Variants in CACNG2 observed in about 807,000 individuals in gnomAD.
The protein encoded by CACNG2 is calcium voltage-gated channel auxiliary subunit gamma 2, also known as voltage-dependent calcium channel gamma-2 subunit.
Under a neutral mutation model 25.9 loss-of-function variants are expected in CACNG2, and 3 were observed. The observed-to-expected ratio is 0.12, with a 90% CI of 0.05 to 0.30. CACNG2 has a LOEUF of 0.30. Ranked by LOEUF, CACNG2 falls within the 10% of genes least tolerant of loss-of-function variation. The pLI is 1.00. For synonymous variants in CACNG2, 167 were observed against 173.3 expected, an observed-to-expected ratio of 0.96 and a Z score of 0.29; for missense variants, 341 against 432.5, an observed-to-expected ratio of 0.79 and a Z score of 1.88.
At chr22:36,691,807 G>A (rs188342161) in intron 1 of CACNG2, among the ~76,000 whole-genome samples, 1 of 152,240 alleles carries the variant, frequency 6.6e-6, no homozygotes, top group Non-Finnish European at 1.5e-5. Flanking sequence ...AACACTCAAC[G>A]AATGACTACC....
chr22:36,687,852 A>G (rs1459400262), intron 1 of CACNG2, among the ~76,000 whole-genome samples: 1 of 152,196 alleles, frequency 6.6e-6, no homozygotes, highest in Non-Finnish European at 1.5e-5. Flanking sequence ...GGAAGGAGGC[A>G]GCCTGTAGGA....
At chr22:36,620,082 G>A (rs1030177788) in intron 1 of CACNG2, among the ~76,000 whole-genome samples, 1 of 152,214 alleles carries the variant, frequency 6.6e-6, no homozygotes, top group African/African-American at 2.4e-5. Flanking sequence ...ACACGTTCAA[G>A]CATGTGCATA....
intron 1 of CACNG2, among the ~76,000 whole-genome samples, chr22:36,610,630 C>A (rs1412687080): frequency 6.6e-6 from 1 of 152,174 alleles, no homozygotes; most frequent in Non-Finnish European, 1.5e-5. Context: ...AGGAGTGACC[C>A]CCAAAGCCAG....
chr22:36,623,925 C>A lies in CACNG2; in HGVS notation c.212-36377G>T, dbSNP rs149669308. On this transcript the variant is annotated intron_variant, in intron 1 of 3. Coordinates refer to ENST00000300105, the MANE Select transcript of CACNG2 (RefSeq NM_006078.5). ...CAATAATGCTCTGTGTGACCTTGGGCAAGTTGCTTGACTTCTCTGGGCCTC... is the reference window on the plus strand; with the variant it reads ...CAATAATGCTCTGTGTGACCTTGGGAAAGTTGCTTGACTTCTCTGGGCCTC... 5.2e-3 allele frequency among the ~76,000 whole-genome samples: 793 copies of A among 152,280 alleles called. 9 individuals carry two copies. The highest frequency in any genetic ancestry group is 0.018 in the African/African-American group (759 of 41,544).
Position 36,664,051 on chromosome 22 carries a change from T to A in CACNG2, c.211+38315A>T, listed in dbSNP as rs370330081. The stretch of plus-strand genomic sequence containing the variant: ...CCTCTGGACCACATGGCTAAATGCA[T>A]CTTCCCACCCTTCCTCCCCTATGGC... On this transcript the variant is annotated intron_variant, in intron 1 of 3. Coordinates refer to ENST00000300105, the MANE Select transcript of CACNG2 (RefSeq NM_006078.5). Among the ~76,000 whole-genome samples, 10 of 152,224 alleles carry A rather than the reference T, an allele frequency of 6.6e-5. 1 individual carries two copies. Among genetic ancestry groups the A allele is most frequent in the South Asian group, 6.2e-4 (3 of 4,828 alleles).
intron 1 of CACNG2, among the ~76,000 whole-genome samples, chr22:36,618,340 G>C (rs1328225778): frequency 6.6e-6 from 1 of 152,226 alleles, no homozygotes; most frequent in Non-Finnish European, 1.5e-5. Context: ...GGCTGCAGAG[G>C]CTGCCCCAGT....
chr22:36,673,172 G>A (rs9754406), intron 1 of CACNG2, among the ~76,000 whole-genome samples: 3,739 of 152,298 alleles, frequency 0.025, 166 homozygotes, highest in African/African-American at 0.085. Flanking sequence ...GCTGCAGTGA[G>A]CCAGGATTGT....
intron 1 of CACNG2, among the ~76,000 whole-genome samples, chr22:36,643,175 TTC>T (rs1287284069): frequency 6.6e-6 from 1 of 150,434 alleles, no homozygotes; most frequent in Admixed American, 6.6e-5. Flanking sequence ...CCTTCTTTCC[TTC>T]TTTCCTTCCC....
chr22:36,690,437 A>G (rs1482717349), intron 1 of CACNG2, among the ~76,000 whole-genome samples: 2 of 152,202 alleles, frequency 1.3e-5, no homozygotes, highest in African/African-American at 4.8e-5. Context: ...GGCCAAGCAC[A>G]ACTCGCTTGC....
chr22:36,679,189 C>CTTTCTTTCTTTCTTTCTTTCTTT (rs1937058688), intron 1 of CACNG2, among the ~76,000 whole-genome samples: 1 of 69,330 alleles, frequency 1.4e-5, no homozygotes, highest in Admixed American at 1.3e-4. Flanking sequence ...TTCCTTCCTT[C>CTTTCTTTCTTTCTTTCTTTCTTT]CTTCCTTCCT....
chr22:36,700,089 G>C (rs1021755507), intron 1 of CACNG2, among the ~76,000 whole-genome samples: 2 of 152,244 alleles, frequency 1.3e-5, no homozygotes, highest in African/African-American at 2.4e-5. Context: ...AGTACTGCCC[G>C]GGGGTAGTGA....
intron 2 of CACNG2, among the ~76,000 whole-genome samples, chr22:36,576,547 AAC>A (rs1300033810): frequency 6.6e-6 from 1 of 150,988 alleles, no homozygotes; most frequent in Non-Finnish European, 1.5e-5. Context: ...TAAAAAAAAA[AAC>A]ACTCCAAAAT....
At chr22:36,695,691 G>C (rs1409813613) in intron 1 of CACNG2, among the ~76,000 whole-genome samples, 1 of 152,092 alleles carries the variant, frequency 6.6e-6, no homozygotes, top group Non-Finnish European at 1.5e-5. Flanking sequence ...TGGTTAGCTA[G>C]AATCCCAGTA....
chr22:36,658,761 A>G (rs1936744208), intron 1 of CACNG2, among the ~76,000 whole-genome samples: 1 of 152,168 alleles, frequency 6.6e-6, no homozygotes, highest in Admixed American at 6.5e-5. Flanking sequence ...CCATAATGTA[A>G]TCACAGAGGG....
intron 2 of CACNG2, among the ~76,000 whole-genome samples, chr22:36,579,909 C>T (rs113113993): frequency 1.3e-5 from 2 of 152,222 alleles, no homozygotes; most frequent in African/African-American, 2.4e-5. Flanking sequence ...CCTCCCCGGG[C>T]GCCCATCTCT....
intron 1 of CACNG2, among the ~76,000 whole-genome samples, chr22:36,646,472 A>C (rs1468962669): frequency 6.6e-6 from 1 of 152,212 alleles, no homozygotes; most frequent in Non-Finnish European, 1.5e-5. Context: ...TTTTATCTAT[A>C]GCTGCACAAA....
intron 1 of CACNG2, among the ~76,000 whole-genome samples, chr22:36,632,736 C>T (rs1277596651): frequency 1.3e-5 from 2 of 152,088 alleles, no homozygotes; most frequent in African/African-American, 4.8e-5. Flanking sequence ...ACCTCACTGG[C>T]TACTCCTTCT....
intron 1 of CACNG2, among the ~76,000 whole-genome samples, chr22:36,635,099 T>C (rs1293914298): frequency 6.6e-5 from 10 of 152,008 alleles, no homozygotes; most frequent in South Asian, 2.1e-4. Context: ...CTGGCTAACA[T>C]GGTGAAACCC....
intron 1 of CACNG2, among the ~76,000 whole-genome samples, chr22:36,647,158 T>TTC (rs199795404): frequency 2.0e-5 from 3 of 151,948 alleles, no homozygotes; most frequent in Non-Finnish European, 4.4e-5. Context: ...AGCCTTCCGC[T>TTC]TCTCTCTCTC....
Sources: gnomAD v4.1 joint callset for allele counts (sites outside exome capture counted in the v4.1 genomes callset) on GRCh38, gnomAD v4.1.1 for gene constraint, MANE v1.5 for transcripts, NCBI Gene and HGNC (gene_info 2026-07-23, HGNC 2026-07-21) for gene names.